The following NDST4 variants were observed in gnomAD, a reference collection of about 807,000 sequenced individuals.
NDST4 encodes the protein N-heparan sulfate sulfotransferase 4.
Under a neutral mutation model 100.8 loss-of-function variants are expected in NDST4, and 63 were observed. The ratio of observed to expected loss-of-function variants is 0.62; its 90% confidence interval spans 0.51 to 0.77. The LOEUF is 0.77. Ranked by LOEUF, NDST4 falls within the 30% of genes least tolerant of loss-of-function variation. The pLI is 0.00. For synonymous variants in NDST4, 377 were observed against 361.8 expected, an observed-to-expected ratio of 1.04 and a Z score of -0.48; for missense variants, 943 against 1,018.4, an observed-to-expected ratio of 0.93 and a Z score of 1.01.
intron 10 of NDST4, among the ~76,000 whole-genome samples, chr4:114,840,330 C>T (rs1723399282): frequency 6.6e-6 from 1 of 152,112 alleles, no homozygotes; most frequent in African/African-American, 2.4e-5. Flanking sequence ...ATTTAACAAG[C>T]ATTATTTAAG....
intron 2 of NDST4, among the ~76,000 whole-genome samples, chr4:115,018,409 T>G (rs1727736592): frequency 6.6e-6 from 1 of 151,964 alleles, no homozygotes. Context: ...TGGAGCTGAT[T>G]TAAAAATTCT....
intron 2 of NDST4, among the ~76,000 whole-genome samples, chr4:115,002,597 T>C (rs1727317825): frequency 6.6e-6 from 1 of 152,198 alleles, no homozygotes; most frequent in Admixed American, 6.6e-5. Context: ...TCGTATTGCC[T>C]AGGTGTTCTT....
At chr4:114,998,896 A>C (rs1295211289) in intron 2 of NDST4, among the ~76,000 whole-genome samples, 2 of 152,062 alleles carry the variant, frequency 1.3e-5, no homozygotes, top group Admixed American at 6.6e-5. Context: ...CCTCATGATT[A>C]GGCGTGACTT....
chr4:114,896,763 T>C (rs1239140197), intron 6 of NDST4, among the ~76,000 whole-genome samples: 1 of 152,216 alleles, frequency 6.6e-6, no homozygotes, highest in Non-Finnish European at 1.5e-5. Context: ...AGCCAGCAGC[T>C]ATTTTACATG....
At chr4:114,828,800 A>C (rs1268824742) in intron 13 of NDST4, among the ~76,000 whole-genome samples, 1 of 152,122 alleles carries the variant, frequency 6.6e-6, no homozygotes, top group Non-Finnish European at 1.5e-5. Flanking sequence ...CATCTCTCTT[A>C]AGCCCTCCTC....
chr4:114,986,832 A>ATATATATATATATATATATATTTTTTTT, intron 2 of NDST4, among the ~76,000 whole-genome samples: 1 of 94,660 alleles, frequency 1.1e-5, no homozygotes, highest in Non-Finnish European at 2.2e-5. Flanking sequence ...ATATATATAT[A>ATATATATATATATATATATATTTTTTTT]TTTTAATATA....
intron 4 of NDST4, among the ~76,000 whole-genome samples, chr4:114,950,808 C>G (rs1166395143): frequency 6.6e-6 from 1 of 151,518 alleles, no homozygotes; most frequent in Non-Finnish European, 1.5e-5. Flanking sequence ...TTTTTCTTAC[C>G]CTTATAACAA....
intron 2 of NDST4, among the ~76,000 whole-genome samples, chr4:115,052,892 AACAGTAGTC>A (rs1376114621): frequency 2.0e-5 from 3 of 152,160 alleles, no homozygotes; most frequent in Admixed American, 1.3e-4. Context: ...TTTACGAAAA[AACAGTAGTC>A]ACTGTAAATT....
At chr4:114,993,276 G>A (rs995558472) in intron 2 of NDST4, among the ~76,000 whole-genome samples, 8 of 151,902 alleles carry the variant, frequency 5.3e-5, no homozygotes, top group Non-Finnish European at 4.4e-5. Flanking sequence ...AATTTTGAAA[G>A]TTTAGGATTC....
chr4:114,918,944 A>T (rs1725233931), intron 6 of NDST4, among the ~76,000 whole-genome samples: 1 of 151,890 alleles, frequency 6.6e-6, no homozygotes, highest in African/African-American at 2.4e-5. Context: ...AGAAAATAAA[A>T]CTCTCCATTT....
chr4:115,098,265 T>A (rs967995134), intron 1 of NDST4, among the ~76,000 whole-genome samples: 1 of 152,124 alleles, frequency 6.6e-6, no homozygotes, highest in African/African-American at 2.4e-5. Flanking sequence ...GATAAAAAGG[T>A]CTTACTCAAA....
intron 6 of NDST4, among the ~76,000 whole-genome samples, chr4:114,914,475 A>G (rs1725127575): frequency 6.6e-6 from 1 of 152,168 alleles, no homozygotes; most frequent in Admixed American, 6.6e-5. Context: ...ATTAAAATAT[A>G]AAATTAAAAA....
intron 6 of NDST4, among the ~76,000 whole-genome samples, chr4:114,874,009 CATT>C (rs1560789415): frequency 6.6e-6 from 1 of 152,046 alleles, no homozygotes; most frequent in African/African-American, 2.4e-5. Flanking sequence ...AGTGCATTCA[CATT>C]GTTGTATAAC....
At chr4:114,929,743 T>C (rs11946779) in intron 6 of NDST4, among the ~76,000 whole-genome samples, 23,663 of 152,170 alleles carry the variant, frequency 0.16, 2,732 homozygotes, top group African/African-American at 0.32. Flanking sequence ...AAATAGTCTT[T>C]TATGTTATTT....
chr4:115,080,307 T>C (rs1729274285), intron 1 of NDST4, among the ~76,000 whole-genome samples: 1 of 152,146 alleles, frequency 6.6e-6, no homozygotes, highest in Admixed American at 6.6e-5. Context: ...CAGCTAATTT[T>C]TGTATTTTTA....
intron 1 of NDST4, among the ~76,000 whole-genome samples, chr4:115,112,194 T>G (rs1729969200): frequency 6.7e-6 from 1 of 148,996 alleles, no homozygotes; most frequent in Admixed American, 6.7e-5. Flanking sequence ...ATTACTCTTT[T>G]GATATGAAAA....
chr4:114,871,995 G>T (rs1019646049), intron 6 of NDST4, among the ~76,000 whole-genome samples: 3 of 151,852 alleles, frequency 2.0e-5, no homozygotes, highest in African/African-American at 7.2e-5. Context: ...TAGAAGAAAA[G>T]TCAAGTGTCT....
At chr4:114,964,033 G>A (rs1726325497) in intron 4 of NDST4, among the ~76,000 whole-genome samples, 1 of 152,074 alleles carries the variant, frequency 6.6e-6, no homozygotes, top group South Asian at 2.1e-4. Context: ...AAGTGAAGAG[G>A]TATTGCTTCT....
intron 2 of NDST4, among the ~76,000 whole-genome samples, chr4:114,980,407 C>A (rs540554194): frequency 1.3e-5 from 2 of 152,080 alleles, no homozygotes; most frequent in African/African-American, 4.8e-5. Context: ...TTTGGGACGC[C>A]GAGGCAGGTG....
Sources: gnomAD v4.1 joint callset for allele counts (sites outside exome capture counted in the v4.1 genomes callset) on GRCh38, gnomAD v4.1.1 for gene constraint, MANE v1.5 for transcripts, NCBI Gene and HGNC (gene_info 2026-07-23, HGNC 2026-07-21) for gene names.